PAPPA2: variants seen among roughly 807,000 people sequenced by gnomAD.
PAPPA2 encodes the protein pappalysin 2.
In PAPPA2, 86 loss-of-function variants were observed where a neutral mutation model predicts 176.4. The observed-to-expected ratio is 0.49, with a 90% CI of 0.41 to 0.58. The LOEUF is 0.58. Among genes scored for constraint, PAPPA2 ranks in the 20% least tolerant of loss-of-function variants. PAPPA2 has a pLI of 0.00. For synonymous variants in PAPPA2, 809 were observed against 852.2 expected (o/e 0.95, Z 0.88); for missense variants, 2,073 against 2,256.9 (o/e 0.92, Z 1.65).
At chr1:176,534,155 C>T (rs1422478984) in intron 1 of PAPPA2, among the ~76,000 whole-genome samples, 2 of 152,068 alleles carry the variant, frequency 1.3e-5, no homozygotes, top group Admixed American at 6.6e-5. Context: ...TCTGGAGAAC[C>T]GTACCCACAG....
chr1:176,488,109 C>T lies in PAPPA2; in HGVS notation c.-917+24691C>T, dbSNP rs542613105. ...TATTGTTGTTTCTCTAGCTGTTCTG[C>T]GTGGATAGAAAATAGGCCCAGGTAA... On this transcript the variant is annotated intron_variant, in intron 1 of 22. Transcript: ENST00000367662. Among the ~76,000 whole-genome samples the T allele has an allele frequency of 8.5e-4, 129 of 152,246 alleles. 1 individual carries two copies. The highest frequency in any genetic ancestry group is 8.3e-3 in the South Asian group (40 of 4,820).
chr1:176,551,819 T>C (rs1445988670), intron 1 of PAPPA2, among the ~76,000 whole-genome samples: 1 of 151,984 alleles, frequency 6.6e-6, no homozygotes, highest in Non-Finnish European at 1.5e-5. Flanking sequence ...ATGGGTTTCT[T>C]TAGGGGGGTG....
chr1:176,772,176 G>A (rs1369126856), intron 17 of PAPPA2, among the ~76,000 whole-genome samples: 1 of 152,142 alleles, frequency 6.6e-6, no homozygotes, highest in African/African-American at 2.4e-5. Flanking sequence ...TTTTCTGAGT[G>A]AACAAAAAGC....
intron 2 of PAPPA2, among the ~76,000 whole-genome samples, chr1:176,576,662 C>T (rs891715780): frequency 6.6e-5 from 10 of 152,158 alleles, no homozygotes; most frequent in Non-Finnish European, 1.3e-4. Flanking sequence ...AGTCCTGCTC[C>T]TCAGTGTATG....
chr1:176,705,719 T>C (rs1660852640), intron 9 of PAPPA2, among the ~76,000 whole-genome samples: 1 of 152,206 alleles, frequency 6.6e-6, no homozygotes, highest in African/African-American at 2.4e-5. Context: ...CAAAAACATT[T>C]TTCTTCTCTC....
At chr1:176,529,907 G>A (rs1441713183) in intron 1 of PAPPA2, among the ~76,000 whole-genome samples, 1 of 152,018 alleles carries the variant, frequency 6.6e-6, no homozygotes, top group Non-Finnish European at 1.5e-5. Context: ...TTTTTAAAGA[G>A]TTTTTCTCCT....
intron 3 of PAPPA2, among the ~76,000 whole-genome samples, chr1:176,632,735 T>C (rs1019587128): frequency 6.6e-6 from 1 of 152,322 alleles, no homozygotes; most frequent in Middle Eastern, 3.4e-3. Flanking sequence ...TTTTAGTGTA[T>C]TCTTTCTCTC....
At chr1:176,718,362 C>A (rs913892382) in intron 12 of PAPPA2, among the ~76,000 whole-genome samples, 2 of 151,866 alleles carry the variant, frequency 1.3e-5, no homozygotes, top group African/African-American at 2.4e-5. Context: ...TTTCATTAAC[C>A]TTTTATTAAT....
chr1:176,572,577 A>G (rs1652415353), intron 2 of PAPPA2, among the ~76,000 whole-genome samples: 1 of 152,220 alleles, frequency 6.6e-6, no homozygotes, highest in Admixed American at 6.5e-5. Context: ...TGATTCTTAG[A>G]AAGCAGTCAG....
intron 1 of PAPPA2, among the ~76,000 whole-genome samples, chr1:176,543,391 C>A (rs1279328252): frequency 6.6e-6 from 1 of 152,128 alleles, no homozygotes; most frequent in Non-Finnish European, 1.5e-5. Flanking sequence ...GGAGTTTACC[C>A]TCAATCCCCT....
At chr1:176,546,270 T>C (rs1420924564) in intron 1 of PAPPA2, among the ~76,000 whole-genome samples, 2 of 152,188 alleles carry the variant, frequency 1.3e-5, no homozygotes, top group Non-Finnish European at 2.9e-5. Flanking sequence ...AATTTAGATA[T>C]CCATCTCACC....
intron 1 of PAPPA2, among the ~76,000 whole-genome samples, chr1:176,531,697 CT>C (rs1649815910): frequency 6.6e-6 from 1 of 152,158 alleles, no homozygotes; most frequent in African/African-American, 2.4e-5. Context: ...TGATATCTGA[CT>C]TTGGTTAGGG....
At chr1:176,589,263 T>C (rs1653507567) in intron 2 of PAPPA2, among the ~76,000 whole-genome samples, 1 of 152,198 alleles carries the variant, frequency 6.6e-6, no homozygotes, top group Non-Finnish European at 1.5e-5. Flanking sequence ...GATAATTGAC[T>C]CTATCAATTC....
At position 176,595,595 on chromosome 1, in the gene PAPPA2, G is replaced by A; in HGVS notation, c.1991G>A (p.Arg664Lys). ...KTCFDPDSPK[R>K]AYMSVKELKE... ...TGCTTTGACCCTGACTCACCCAAGA[G>A]GTAAGGGACTGGGATTTGGGGTGTC... Residue 664 changes from arginine to lysine, a missense_variant and splice_region_variant, in exon 3 of 23, where the codon AGG (arginine) becomes AAG (lysine). By Grantham distance (26) the Arg-to-Lys change is conservative. Coordinates refer to ENST00000367662, the MANE Select transcript of PAPPA2 (RefSeq NM_020318.3). 1 of 1,605,924 alleles carries A rather than the reference G, an allele frequency of 6.2e-7. No individual in the cohort carries two copies. Among genetic ancestry groups the A allele is most frequent in the Non-Finnish European group, 8.5e-7 (1 of 1,174,784 alleles).
intron 3 of PAPPA2, among the ~76,000 whole-genome samples, chr1:176,654,894 C>T (rs1282826794): frequency 6.6e-6 from 1 of 151,718 alleles, no homozygotes; most frequent in East Asian, 1.9e-4. Context: ...TGTATAGAAA[C>T]ACTACTGATT....
At chr1:176,625,608 C>A (rs763235776) in intron 3 of PAPPA2, among the ~76,000 whole-genome samples, 59 of 152,252 alleles carry the variant, frequency 3.9e-4, no homozygotes, top group Non-Finnish European at 7.4e-4. Flanking sequence ...TTATAATTCC[C>A]CATCTTAATT....
chr1:176,831,355 G>A (rs984075233), intron 21 of PAPPA2, among the ~76,000 whole-genome samples: 2 of 152,216 alleles, frequency 1.3e-5, no homozygotes, highest in Non-Finnish European at 2.9e-5. Flanking sequence ...GCTCTCAACA[G>A]GAGGGCCAAT....
Position 176,635,507 on chromosome 1 carries a change from G to T in PAPPA2, c.1992-35463G>T, listed in dbSNP as rs576189685. On this transcript the variant is annotated intron_variant, in intron 3 of 22. Transcript: ENST00000367662. ...TCTTAGAATAATAGCAAATATTAATGACTCTCAAATGGCAGCCTTCATAAT... is the reference window on the plus strand; with the variant it reads ...TCTTAGAATAATAGCAAATATTAATTACTCTCAAATGGCAGCCTTCATAAT... 1.2e-4 allele frequency among the ~76,000 whole-genome samples: 18 copies of T among 152,214 alleles called. No individual in the cohort carries two copies. In the South Asian group the frequency reaches 3.5e-3, roughly 30 times the overall value.
chr1:176,572,916 T>C (rs1055670248), intron 2 of PAPPA2, among the ~76,000 whole-genome samples: 1 of 152,214 alleles, frequency 6.6e-6, no homozygotes, highest in South Asian at 2.1e-4. Context: ...CTAAGGGTAG[T>C]ATTAATTCTA....
Sources: allele counts gnomAD v4.1 joint callset (sites outside exome capture counted in the v4.1 genomes callset), GRCh38; gene constraint gnomAD v4.1.1; transcripts MANE v1.5; gene names NCBI Gene and HGNC (gene_info 2026-07-23, HGNC 2026-07-21).